The following CDH7 variants were observed in gnomAD, a reference collection of about 807,000 sequenced individuals.
CDH7 encodes the protein cadherin-7.
CDH7 carries 25 observed loss-of-function variants against 71.8 expected under a neutral mutation model. The observed-to-expected ratio is 0.35, with a 90% CI of 0.25 to 0.49. CDH7 has a LOEUF of 0.49. CDH7 is among the 20% of genes least tolerant of loss of function. CDH7 has a pLI of 0.99. For missense variants in CDH7, 862 were observed against 974.6 expected, an observed-to-expected ratio of 0.88 and a Z score of 1.54; for synonymous variants, 381 against 363.8, an observed-to-expected ratio of 1.05 and a Z score of -0.54.
rs988533687 is a variant in CDH7, at chr18:65,884,782, A to C, written c.*3888A>C. On this transcript the variant is annotated 3_prime_UTR_variant, in exon 12 of 12. Transcript: ENST00000397968. ...TAAAGTTTTAAAGCACTAGCTGTAAATATTAATCTTCAGATTTTCAATTTA... is the reference window on the plus strand; with the variant it reads ...TAAAGTTTTAAAGCACTAGCTGTAACTATTAATCTTCAGATTTTCAATTTA... 1 of 152,216 alleles carries C rather than the reference A, an allele frequency of 6.6e-6. No individual in the cohort carries two copies. The highest frequency in any genetic ancestry group is 1.5e-5 in the Non-Finnish European group (1 of 68,030). 9.4% of individuals were successfully genotyped at this position (152,216 alleles called of 1,614,324 possible).
At position 65,768,975 on chromosome 18, in the gene CDH7, T is replaced by C. The variant is rs138772981; in HGVS notation, c.210+5923T>C. 5.0e-3 allele frequency among the ~76,000 whole-genome samples: 758 copies of C among 152,228 alleles called. 8 individuals carry two copies. The highest frequency in any genetic ancestry group is 0.017 in the African/African-American group (726 of 41,534). ...TCAAATATTTATCGCATACTTATAC[T>C]GTGATTGATAATGTGCTAGATAGAA... On this transcript the variant is annotated intron_variant, in intron 2 of 11. Coordinates refer to ENST00000397968, the MANE Select transcript of CDH7 (RefSeq NM_004361.5).
At chr18:65,836,430 A>G (rs1013912349) in intron 6 of CDH7, among the ~76,000 whole-genome samples, 3 of 152,148 alleles carry the variant, frequency 2.0e-5, no homozygotes, top group African/African-American at 7.2e-5. Context: ...TGATGATAAT[A>G]TTCCTCAATA....
At chr18:65,769,445 A>G (rs1916478336) in intron 2 of CDH7, among the ~76,000 whole-genome samples, 1 of 152,212 alleles carries the variant, frequency 6.6e-6, no homozygotes, top group African/African-American at 2.4e-5. Context: ...AACTAATTTC[A>G]AACTTATAAA....
intron 2 of CDH7, among the ~76,000 whole-genome samples, chr18:65,801,358 T>C (rs1911117343): frequency 6.6e-6 from 1 of 152,240 alleles, no homozygotes; most frequent in Non-Finnish European, 1.5e-5. Flanking sequence ...CACTAGATGA[T>C]ACTAGTTTTA....
chr18:65,771,677 A>C (rs1482118410), intron 2 of CDH7, among the ~76,000 whole-genome samples: 1 of 150,616 alleles, frequency 6.6e-6, no homozygotes, highest in Non-Finnish European at 1.5e-5. Flanking sequence ...CTCTGCCTCA[A>C]AAGAAAAAAA....
chr18:65,871,184 G>T (rs976352920), intron 11 of CDH7, among the ~76,000 whole-genome samples: 6 of 152,236 alleles, frequency 3.9e-5, no homozygotes, highest in African/African-American at 1.4e-4. Context: ...AAAAAGTTCG[G>T]AACTGAATCA....
intron 10 of CDH7, among the ~76,000 whole-genome samples, chr18:65,862,224 A>G (rs557858386): frequency 4.6e-5 from 7 of 152,246 alleles, no homozygotes; most frequent in African/African-American, 1.7e-4. Context: ...CTTTTTAAAT[A>G]TTGGTCTTGC....
At chr18:65,842,702 A>G (rs1427944092) in intron 6 of CDH7, among the ~76,000 whole-genome samples, 1 of 152,064 alleles carries the variant, frequency 6.6e-6, no homozygotes, top group African/African-American at 2.4e-5. Flanking sequence ...GTGCCTGCAT[A>G]CATATACACA....
intron 6 of CDH7, among the ~76,000 whole-genome samples, chr18:65,834,798 T>C (rs1912476724): frequency 6.6e-6 from 1 of 152,196 alleles, no homozygotes; most frequent in Non-Finnish European, 1.5e-5. Context: ...AATTTGGCCA[T>C]TTCAAGTTTA....
intron 2 of CDH7, among the ~76,000 whole-genome samples, chr18:65,789,401 C>T (rs970396089): frequency 2.6e-5 from 4 of 151,840 alleles, no homozygotes; most frequent in African/African-American, 9.7e-5. Flanking sequence ...AAGTATAGGA[C>T]AAATAAAAAC....
At chr18:65,789,469 T>G (rs1910629240) in intron 2 of CDH7, among the ~76,000 whole-genome samples, 1 of 115,486 alleles carries the variant, frequency 8.7e-6, no homozygotes, top group South Asian at 2.8e-4. Flanking sequence ...TGCTATTTTT[T>G]TGTTTGTTTT....
intron 3 of CDH7, among the ~76,000 whole-genome samples, chr18:65,813,829 A>G (rs1911628724): frequency 1.3e-5 from 2 of 152,188 alleles, no homozygotes; most frequent in Admixed American, 1.3e-4. Flanking sequence ...TATAACAAAG[A>G]AAAAACTATT....
intron 11 of CDH7, among the ~76,000 whole-genome samples, chr18:65,873,884 T>G (rs1215473978): frequency 1.3e-5 from 2 of 152,216 alleles, no homozygotes; most frequent in Non-Finnish European, 2.9e-5. Context: ...TATTTTATAT[T>G]GCTTTATATT....
intron 7 of CDH7, among the ~76,000 whole-genome samples, chr18:65,854,920 C>CGT (rs61208244): frequency 0.63 from 90,819 of 145,118 alleles, 28,555 homozygotes; most frequent in East Asian, 0.92. Context: ...TATGTGTACA[C>CGT]ATATATATAT....
Position 65,781,946 on chromosome 18 carries a change from TTCTC to T in CDH7, c.210+18898_210+18901del, listed in dbSNP as rs1201887176. 7.5e-5 allele frequency among the ~76,000 whole-genome samples: 5 copies of T among 66,698 alleles called. 2 individuals are homozygous for T. Among genetic ancestry groups the T allele is most frequent in the Non-Finnish European group, 1.4e-4 (5 of 36,698 alleles). The allele number at this position is 66,698 out of a possible 152,430, so 43.8% of individuals were successfully genotyped here. A position where few individuals can be genotyped will look rare whatever the true frequency, so the allele number is the denominator to read the frequency against. On this transcript the variant is annotated intron_variant, in intron 2 of 11. Coordinates refer to ENST00000397968, the MANE Select transcript of CDH7 (RefSeq NM_004361.5). ...TTTCTCTCTCTCTCTCTCTCTCTCT[TTCTC>T]TCTTTCTCTCTTTCTCTCTCTCTCT...
intron 2 of CDH7, among the ~76,000 whole-genome samples, chr18:65,804,419 A>C (rs1420494787): frequency 6.6e-6 from 1 of 152,146 alleles, no homozygotes; most frequent in African/African-American, 2.4e-5. Flanking sequence ...AATATATTGA[A>C]TTGATTGTTT....
At chr18:65,852,317 C>T (rs1214319551) in intron 7 of CDH7, among the ~76,000 whole-genome samples, 4 of 152,084 alleles carry the variant, frequency 2.6e-5, no homozygotes, top group East Asian at 1.9e-4. Flanking sequence ...TCGAAATAAC[C>T]TCAATAATAA....
rs1318138167 is a variant in CDH7 at position 65,885,295 on chromosome 18, G to T, written c.*4401G>T. The T allele has an allele frequency of 2.7e-5, 4 of 145,480 alleles. No homozygotes were observed. Among genetic ancestry groups the T allele is most frequent in the African/African-American group, 1.0e-4 (4 of 40,124 alleles). 9.0% of individuals were successfully genotyped at this position (145,480 alleles called of 1,614,324 possible). A position where few individuals can be genotyped will look rare whatever the true frequency, so the allele number is the denominator to read the frequency against. On this transcript the variant is annotated 3_prime_UTR_variant, in exon 12 of 12. Coordinates refer to ENST00000397968, the MANE Select transcript of CDH7 (RefSeq NM_004361.5). ...AAGCAAATCAAGACAGGCAGTGTGCGTTGCATTCTGACACTTTTTCATTGT... is the reference window on the plus strand; with the variant it reads ...AAGCAAATCAAGACAGGCAGTGTGCTTTGCATTCTGACACTTTTTCATTGT...
chr18:65,858,787 T>C, intron 8 of CDH7, 138 bp from the exon 9 acceptor site: 1 of 681,796 alleles, frequency 1.5e-6, no homozygotes, highest in Admixed American at 2.8e-5. Flanking sequence ...TGGATCATAT[T>C]TTCGTATTTT....
Sources: gnomAD v4.1 joint callset for allele counts (sites outside exome capture counted in the v4.1 genomes callset) on GRCh38, gnomAD v4.1.1 for gene constraint, MANE v1.5 for transcripts, NCBI Gene and HGNC (gene_info 2026-07-23, HGNC 2026-07-21) for gene names.